COL6A3: variants seen among roughly 807,000 people sequenced by gnomAD.
COL6A3 encodes collagen alpha-3(VI) chain.
In COL6A3, 137 loss-of-function variants were observed where a neutral mutation model predicts 274.1. That is an observed-to-expected ratio of 0.50 (90% CI 0.44 to 0.58). The LOEUF is 0.58. Among genes scored for constraint, COL6A3 ranks in the 20% least tolerant of loss-of-function variants. COL6A3 has a pLI of 0.00. For synonymous variants in COL6A3, 1,650 were observed against 1,650.6 expected, an observed-to-expected ratio of 1.00 and a Z score of 0.01; for missense variants, 3,950 against 4,124.9, an observed-to-expected ratio of 0.96 and a Z score of 1.16.
In COL6A3 at chr2:237,352,157, C is replaced by T. The variant is rs150939998; in HGVS notation, c.6753+365G>A. ...GCACTCACTATACAAAATACATAAG[C>T]ACAAGGGGCTATCTCCAGGGACCAA... On this transcript the variant is annotated intron_variant, in intron 26 of 43. Coordinates refer to ENST00000295550, the MANE Select transcript of COL6A3 (RefSeq NM_004369.4). Among the ~76,000 whole-genome samples, 359 of 152,282 alleles carry T rather than the reference C, an allele frequency of 2.4e-3. 1 individual carries two copies. Among genetic ancestry groups the T allele is most frequent in the African/African-American group, 7.5e-3 (313 of 41,566 alleles).
In COL6A3 at chr2:237,397,017, T is replaced by TGATAGATAGATAGATA. The variant is rs60589035; in HGVS notation, c.-30-186_-30-171dup. ...GATGGATGATAGACAGTTAGATAGA[T>TGATAGATAGATAGATA]GATAGATAGATAGATAGATAGATAG... On this transcript the variant is annotated intron_variant, in intron 1 of 43. Coordinates refer to ENST00000295550, the MANE Select transcript of COL6A3 (RefSeq NM_004369.4). Among the ~76,000 whole-genome samples the TGATAGATAGATAGATA allele has an allele frequency of 0.015, 2,140 of 146,074 alleles. 16 individuals carry two copies. Among genetic ancestry groups the TGATAGATAGATAGATA allele is most frequent in the Middle Eastern group, 0.031 (9 of 290 alleles).
chr2:237,371,871 C>T lies in COL6A3; in HGVS notation c.4146G>A (p.Ser1382=), dbSNP rs114791158. The change falls in exon 9 of 44, where the codon TCG becomes TCA. Residue 1382 remains serine (S), a synonymous_variant. Transcript: ENST00000295550. The surrounding 1 kb of genome is among the most constrained non-coding windows in gnomAD (Gnocchi z 4.3). ...CCGAGAACACATATTCGGGGCTCAG[C>T]GAGATCTTCACCAGCTCCTCCTGGT... ...NADQEELVKI[S]LSPEYVFSVS... is the part of the protein sequence containing the mutation. 334 of 1,613,568 alleles carry T rather than the reference C, an allele frequency of 2.1e-4. 2 individuals are homozygous for T. Among genetic ancestry groups the T allele is most frequent in the Middle Eastern group, 2.0e-3 (12 of 6,062 alleles).
At chr2:237,357,975 T>A (rs1351398764) in intron 21 of COL6A3, 93 bp from the exon 22 acceptor site, 1 of 1,201,024 alleles carries the variant, frequency 8.3e-7, no homozygotes, top group Non-Finnish European at 1.2e-6. Context: ...AGCAAGGACC[T>A]GCATGCAAGG....
chr2:237,392,273 G>A (rs758776820), intron 3 of COL6A3, among the ~76,000 whole-genome samples: 53 of 152,224 alleles, frequency 3.5e-4, no homozygotes, highest in Non-Finnish European at 6.3e-4. Flanking sequence ...AAGACAGCTA[G>A]TTCCTTTCTG....
Position 237,372,197 on chromosome 2 carries a change from T to C in COL6A3, c.3820A>G (p.Ile1274Val), listed in dbSNP as rs572778633. 4 of 1,614,144 alleles carry C rather than the reference T, an allele frequency of 2.5e-6. No individual in the cohort carries two copies. The South Asian group carries it at 3.3e-5, about 13-fold the overall frequency. ...VGFDTTRVAVIQFSDDPKVEF... is the reference protein window; with the variant it reads ...VGFDTTRVAVVQFSDDPKVEF... Reference sequence around the variant, plus strand: ...ACCTTGGGGTCATCGCTGAACTGGATGACAGCCACCCGGGTGGTGTCAAAG... The same window carrying C: ...ACCTTGGGGTCATCGCTGAACTGGACGACAGCCACCCGGGTGGTGTCAAAG... Residue 1274 changes from isoleucine to valine, a missense_variant, in exon 9 of 44, where the codon ATC (isoleucine) becomes GTC (valine). Physicochemically the swap from Ile to Val is conservative, Grantham distance 29. Coordinates refer to ENST00000295550, the MANE Select transcript of COL6A3 (RefSeq NM_004369.4).
intron 31 of COL6A3, 94 bp downstream of exon 31, chr2:237,347,713 C>T: frequency 7.8e-7 from 1 of 1,276,542 alleles, no homozygotes; most frequent in Non-Finnish European, 1.1e-6. Flanking sequence ...GGCCAGGGTG[C>T]AAGTGAAGGA....
rs774313593 is a variant in COL6A3 at position 237,394,745 on chromosome 2, G to T, written c.551C>A (p.Ala184Glu). Residue 184 changes from alanine (A) to glutamate (E), a missense_variant, in exon 3 of 44, where the codon GCG becomes GAG. Coordinates refer to ENST00000295550, the MANE Select transcript of COL6A3 (RefSeq NM_004369.4). The stretch of plus-strand genomic sequence containing the variant: ...CGGTTCACTTGCTATTTCTTTTAAC[G>T]CTCCTTCATCTGCATCCTCAACTCC... Reference protein sequence around the residue: ...AIGVEDADEGALKEIASEPLN... With the variant: ...AIGVEDADEGELKEIASEPLN... 1 of 1,614,102 alleles carries T rather than the reference G, an allele frequency of 6.2e-7. No homozygotes were observed. The highest frequency in any genetic ancestry group is 1.1e-5 in the South Asian group (1 of 91,076).
rs1482041798 is a variant in COL6A3, at chr2:237,351,129, C to A, written c.6816+1G>T. On this transcript the variant is annotated splice_donor_variant, in intron 27 of 43. Coordinates refer to ENST00000295550, the MANE Select transcript of COL6A3 (RefSeq NM_004369.4). LOFTEE classifies it high-confidence loss of function. The stretch of plus-strand genomic sequence containing the variant: ...AAAGCTCTACCTTTCTAAAGACAAA[C>A]CTTTCTTCCCAGTGGACCGGTTCTG... 2 of 1,614,262 alleles carry A rather than the reference C, an allele frequency of 1.2e-6. No individual in the cohort carries two copies. The highest frequency in any genetic ancestry group is 1.1e-5 in the South Asian group (1 of 91,086).
chr2:237,390,019 A>C (rs1330308953), intron 3 of COL6A3, among the ~76,000 whole-genome samples: 1 of 152,178 alleles, frequency 6.6e-6, no homozygotes, highest in African/African-American at 2.4e-5. Context: ...TCATTGCATA[A>C]TACAGAGGCT....
At chr2:237,341,314 G>A (rs2076983203) in intron 37 of COL6A3, among the ~76,000 whole-genome samples, 164 bp from the exon 38 acceptor site, 1 of 152,074 alleles carries the variant, frequency 6.6e-6, no homozygotes, top group Non-Finnish European at 1.5e-5. Context: ...GGGAGGCCGA[G>A]GCAGGTGGAT....
chr2:237,335,606 G>A (rs1224521617), intron 40 of COL6A3, among the ~76,000 whole-genome samples: 1 of 152,118 alleles, frequency 6.6e-6, no homozygotes, highest in Non-Finnish European at 1.5e-5. Context: ...ACCCAGTATT[G>A]CCACAGCACA....
Position 237,374,998 on chromosome 2 carries a change from C to T in COL6A3, c.3093G>A (p.Val1031=), listed in dbSNP as rs2106361757. 1 of 1,613,916 alleles carries T rather than the reference C, an allele frequency of 6.2e-7. No homozygotes were observed. Among genetic ancestry groups the T allele is most frequent in the Non-Finnish European group, 8.5e-7 (1 of 1,180,014 alleles). ...CGCCCTCAGAGCCATCAAGCAGAAA[C>T]ACCACGTCCTTTTCACCTGAAACTG... ...PAPVSGEKDV[V]FLLDGSEGVR... The change falls in exon 8 of 44, where the codon GTG becomes GTA. Residue 1031 remains valine, a synonymous_variant. Transcript: ENST00000295550. The surrounding 1 kb of genome is among the most constrained non-coding windows in gnomAD (Gnocchi z 4.8).
intron 4 of COL6A3, chr2:237,386,378 C>T (rs1358362917): frequency 1.3e-5 from 2 of 152,136 alleles, no homozygotes; most frequent in Non-Finnish European, 2.9e-5. Flanking sequence ...ATTTTCACTC[C>T]TTTATCAAAG....
rs1049560519 is a variant in COL6A3, at chr2:237,407,572, G to A, written c.-31+6381C>T. On this transcript the variant is annotated intron_variant, in intron 1 of 43. Coordinates refer to ENST00000295550, the MANE Select transcript of COL6A3 (RefSeq NM_004369.4). The surrounding 1 kb of genome is among the most constrained non-coding windows in gnomAD (Gnocchi z 4.3). ...CGACCTGCAGCCAGGCTTAGGCCAAGCTCCTCAGAGGTGGGTCTCCTTCCC... is the reference window on the plus strand; with the variant it reads ...CGACCTGCAGCCAGGCTTAGGCCAAACTCCTCAGAGGTGGGTCTCCTTCCC... 6.6e-6 allele frequency among the ~76,000 whole-genome samples: 1 copy of A among 152,234 alleles called. No individual in the cohort carries two copies. Among genetic ancestry groups the A allele is most frequent in the Non-Finnish European group, 1.5e-5 (1 of 68,046 alleles).
Position 237,367,164 on chromosome 2 carries a change from A to G in COL6A3, c.5023T>C (p.Ser1675Pro), listed in dbSNP as rs374247268. Residue 1675 changes from serine (S) to proline (P), a missense_variant, in exon 11 of 44, where the codon TCC (serine) becomes CCC (proline). By Grantham distance (74) the Ser-to-Pro change is moderately conservative. Coordinates refer to ENST00000295550, the MANE Select transcript of COL6A3 (RefSeq NM_004369.4). ...IVDTVYEDGD[S>P]IQVGLVQYNS... ...TACTGGACAAGCCCCACTTGGATGG[A>G]GTCGCCATCTTCATAAACTGTGTCC... is the stretch of plus-strand genomic sequence containing the variant. The G allele has an allele frequency of 3.1e-6, 5 of 1,614,198 alleles. No individual in the cohort carries two copies. The highest frequency in any genetic ancestry group is 2.2e-5 in the South Asian group (2 of 91,068).
intron 23 of COL6A3, chr2:237,356,884 A>G: frequency 4.5e-6 from 1 of 223,614 alleles, no homozygotes; most frequent in South Asian, 7.7e-5. Context: ...TGCAAGATGC[A>G]ATACGCCAGA....
intron 24 of COL6A3, 107 bp downstream of exon 24, chr2:237,354,792 T>C (rs2077281365): frequency 1.1e-6 from 1 of 906,028 alleles, no homozygotes; most frequent in Non-Finnish European, 1.7e-6. Context: ...GATTGGTATC[T>C]GTCTCCGAAG....
At position 237,395,189 on chromosome 2, in the gene COL6A3, G is replaced by A. The variant is rs572020866; in HGVS notation, c.107C>T (p.Ala36Val). 4.5e-5 allele frequency: 73 copies of A among 1,613,192 alleles called. No homozygotes were observed. The East Asian group carries it at 6.2e-4, about 14-fold the overall frequency. The change falls in exon 3 of 44, where the codon GCG becomes GTG. Residue 36 changes from alanine to valine, a missense_variant. Physicochemically the swap from Ala to Val is moderately conservative, Grantham distance 64. Transcript: ENST00000295550. ...QQQQADVKNG[A>V]AADIIFLVDS... is the part of the protein sequence containing the mutation. Reference sequence around the variant, plus strand: ...CACTAGAAATATTATATCAGCAGCCGCACCATTTTTGACATCTTTAAAAAA... The same window carrying A: ...CACTAGAAATATTATATCAGCAGCCACACCATTTTTGACATCTTTAAAAAA...
rs761563218 is a variant in COL6A3 at position 237,378,630 on chromosome 2, G to A, written c.2497+6C>T. ...GAGGGAGTTCCCGGCAACAGGGGAG[G>A]TTTACCTGGCTGAGCGAGTGGTACT... On this transcript the variant is annotated splice_donor_region_variant and intron_variant, in intron 6 of 43. Transcript: ENST00000295550. 11 of 1,612,258 alleles carry A rather than the reference G, an allele frequency of 6.8e-6. No homozygotes were observed.
Sources: gnomAD v4.1 joint callset for allele counts (sites outside exome capture counted in the v4.1 genomes callset) on GRCh38, gnomAD v4.1.1 for gene constraint, Gnocchi (gnomAD v3.1) non-coding constraint, MANE v1.5 for transcripts, NCBI Gene and HGNC (gene_info 2026-07-23, HGNC 2026-07-21) for gene names.